Variants in STIM1 observed in about 807,000 individuals in gnomAD.
STIM1 encodes stromal interaction molecule 1.
In STIM1, 25 loss-of-function variants were observed where a neutral mutation model predicts 74.7. The observed-to-expected ratio is 0.33, with a 90% CI of 0.24 to 0.47. The LOEUF (loss-of-function observed/expected upper bound fraction) is 0.47. STIM1 is among the 20% of genes least tolerant of loss of function. The pLI, the probability that STIM1 is intolerant of heterozygous loss-of-function variation, is 1.00. For missense variants in STIM1, 728 were observed against 920.8 expected, an observed-to-expected ratio of 0.79 and a Z score of 2.71; for synonymous variants, 328 against 348.8, an observed-to-expected ratio of 0.94 and a Z score of 0.66.
intron 9 of STIM1, 115 bp downstream of exon 9, chr11:4,083,097 TCTC>T (rs2094473822): frequency 1.7e-6 from 2 of 1,168,342 alleles, no homozygotes; most frequent in African/African-American, 3.1e-5. Flanking sequence ...ACAGCTCTGG[TCTC>T]CTGCCTCAGC....
intron 1 of STIM1, among the ~76,000 whole-genome samples, chr11:3,891,622 A>C (rs758402520): frequency 2.0e-5 from 3 of 152,108 alleles, no homozygotes; most frequent in Non-Finnish European, 4.4e-5. Flanking sequence ...ATATCCTCCT[A>C]CCAGATTTTA....
rs77322341 is a variant in STIM1 at position 3,904,425 on chromosome 11, C to T, written c.139+48016C>T. Among the ~76,000 whole-genome samples, 447 of 151,868 alleles carry T rather than the reference C, an allele frequency of 2.9e-3. 5 individuals carry two copies. The highest frequency in any genetic ancestry group is 9.2e-3 in the African/African-American group (380 of 41,422). ...GTTGGACTACTTGGAGGGAGTGGCA[C>T]GAGATGAAGCTGGGTGTGTGTGAAG... On this transcript the variant is annotated intron_variant, in intron 1 of 12. Transcript: ENST00000526596.
chr11:4,038,519 C>A (rs533604990), intron 3 of STIM1, among the ~76,000 whole-genome samples: 7 of 152,090 alleles, frequency 4.6e-5, no homozygotes, highest in Admixed American at 2.0e-4. Context: ...AGGCCATAAG[C>A]TGGGGCAATT....
intron 3 of STIM1, among the ~76,000 whole-genome samples, chr11:4,030,480 G>T (rs1463104892): frequency 6.6e-6 from 1 of 152,002 alleles, no homozygotes; most frequent in Non-Finnish European, 1.5e-5. Context: ...GCCCATTTTT[G>T]CTTTTACATA....
chr11:3,965,704 T>C (rs1349369064), intron 1 of STIM1, among the ~76,000 whole-genome samples: 1 of 152,232 alleles, frequency 6.6e-6, no homozygotes, highest in Non-Finnish European at 1.5e-5. Context: ...CATACTTTTT[T>C]CTTTTATCAA....
At chr11:4,088,670 A>G in intron 12 of STIM1, 1 of 1,534,594 alleles carries the variant, frequency 6.5e-7, no homozygotes, top group South Asian at 1.2e-5. Context: ...TGGCCTGTTC[A>G]CTACTTAATT....
At chr11:3,970,074 CTT>C (rs145136493) in intron 2 of STIM1, among the ~76,000 whole-genome samples, 20 of 138,998 alleles carry the variant, frequency 1.4e-4, no homozygotes, top group Non-Finnish European at 1.7e-4. Context: ...GCTCCTCATC[CTT>C]TTTTTTTTTT....
At chr11:4,038,428 A>G (rs2094121525) in intron 3 of STIM1, among the ~76,000 whole-genome samples, 1 of 152,156 alleles carries the variant, frequency 6.6e-6, no homozygotes, top group South Asian at 2.1e-4. Context: ...AATAAAAAAA[A>G]AAAGAAGCTT....
At chr11:4,009,800 G>A (rs2093818337) in intron 2 of STIM1, among the ~76,000 whole-genome samples, 1 of 152,120 alleles carries the variant, frequency 6.6e-6, no homozygotes, top group South Asian at 2.1e-4. Flanking sequence ...AGTCATTGGA[G>A]CTTACTGTGG....
chr11:3,991,971 A>AC (rs2093616843), intron 2 of STIM1, among the ~76,000 whole-genome samples: 3 of 109,842 alleles, frequency 2.7e-5, no homozygotes, highest in African/African-American at 6.1e-5. Flanking sequence ...AAAAAAAAAA[A>AC]AGAAAAAAAA....
chr11:4,029,049 G>A (rs2094024212), intron 3 of STIM1, among the ~76,000 whole-genome samples: 1 of 152,036 alleles, frequency 6.6e-6, no homozygotes, highest in African/African-American at 2.4e-5. Flanking sequence ...TTAGCCAGGT[G>A]TGGTGGTGGG....
chr11:3,984,864 G>A (rs746257670), intron 2 of STIM1, among the ~76,000 whole-genome samples: 3 of 152,180 alleles, frequency 2.0e-5, no homozygotes, highest in Non-Finnish European at 2.9e-5. Flanking sequence ...ATGTAAACAG[G>A]CAGTGACAAT....
intron 1 of STIM1, among the ~76,000 whole-genome samples, chr11:3,943,831 G>A (rs2093039788): frequency 6.6e-6 from 1 of 152,198 alleles, no homozygotes; most frequent in South Asian, 2.1e-4. Flanking sequence ...TTTTTCCTTT[G>A]CATATCTTAC....
intron 1 of STIM1, among the ~76,000 whole-genome samples, chr11:3,879,850 A>T (rs2091435492): frequency 6.6e-6 from 1 of 152,178 alleles, no homozygotes; most frequent in Non-Finnish European, 1.5e-5. Context: ...TTGGTGACCC[A>T]GTGAATGGTA....
intron 2 of STIM1, among the ~76,000 whole-genome samples, chr11:3,997,177 G>A (rs1315923901): frequency 2.0e-5 from 3 of 152,130 alleles, no homozygotes; most frequent in Admixed American, 2.0e-4. Flanking sequence ...GTTTTGGTGG[G>A]GCATCAACAA....
At chr11:3,945,771 A>G (rs1376203892) in intron 1 of STIM1, among the ~76,000 whole-genome samples, 1 of 152,178 alleles carries the variant, frequency 6.6e-6, no homozygotes, top group Non-Finnish European at 1.5e-5. Context: ...AGGCTGGGTA[A>G]TTTATAAAGA....
intron 1 of STIM1, among the ~76,000 whole-genome samples, chr11:3,920,699 T>G (rs1477028140): frequency 6.6e-6 from 1 of 152,132 alleles, no homozygotes; most frequent in Admixed American, 6.5e-5. Context: ...AACTACCTTC[T>G]GCTCTCCTGG....
chr11:4,087,025 C>T (rs2094497978), intron 12 of STIM1, among the ~76,000 whole-genome samples: 1 of 152,160 alleles, frequency 6.6e-6, no homozygotes, highest in African/African-American at 2.4e-5. Context: ...TTAAGGTCAG[C>T]CTACTTTCTC....
At chr11:3,872,063 T>A (rs2091118310) in intron 1 of STIM1, among the ~76,000 whole-genome samples, 1 of 152,110 alleles carries the variant, frequency 6.6e-6, no homozygotes, top group African/African-American at 2.4e-5. Flanking sequence ...TAACTCTCGT[T>A]TTTTTTTGAA....
Sources: gnomAD v4.1 joint callset for allele counts (sites outside exome capture counted in the v4.1 genomes callset) on GRCh38, gnomAD v4.1.1 for gene constraint, MANE v1.5 for transcripts, NCBI Gene and HGNC (gene_info 2026-07-23, HGNC 2026-07-21) for gene names.